Variants in LHFPL3 observed in about 807,000 individuals in gnomAD.
The protein encoded by LHFPL3 is LHFPL tetraspan subfamily member 3, also known as LHFPL tetraspan subfamily member 3 protein.
LHFPL3 carries 5 observed loss-of-function variants against 19.3 expected under a neutral mutation model. The observed-to-expected ratio is 0.26, with a 90% CI of 0.14 to 0.54. LHFPL3 has a LOEUF of 0.54. Among genes scored for constraint, LHFPL3 ranks in the 20% least tolerant of loss-of-function variants. The pLI, the probability that LHFPL3 is intolerant of heterozygous loss-of-function variation, is 0.94. For missense variants in LHFPL3, 249 were observed against 307.4 expected (o/e 0.81, Z 1.42); for synonymous variants, 133 against 126.2 (o/e 1.05, Z -0.36).
intron 2 of LHFPL3, among the ~76,000 whole-genome samples, chr7:104,738,048 G>A (rs770272797): frequency 6.6e-6 from 1 of 152,114 alleles, no homozygotes; most frequent in Non-Finnish European, 1.5e-5. Flanking sequence ...AAATGGAGCA[G>A]CCCAGCAGAG....
At chr7:104,444,943 G>A (rs191670450) in intron 1 of LHFPL3, among the ~76,000 whole-genome samples, 2 of 151,792 alleles carry the variant, frequency 1.3e-5, no homozygotes, top group Non-Finnish European at 2.9e-5. Context: ...AGTTGAAATC[G>A]CGCCATTGCA....
chr7:104,430,128 C>T lies in LHFPL3; in HGVS notation c.445+100904C>T, dbSNP rs1288050552. ...TAGGAAAAAACCAGTTAAAGACGTTCTTTTAAAAATCTCGTGCAGGGAAAA... is the reference window on the plus strand; with the variant it reads ...TAGGAAAAAACCAGTTAAAGACGTTTTTTTAAAAATCTCGTGCAGGGAAAA... On this transcript the variant is annotated intron_variant, in intron 1 of 2. Transcript: ENST00000424859. Among the ~76,000 whole-genome samples the T allele has an allele frequency of 2.1e-5, 3 of 141,726 alleles. 1 individual carries two copies. The highest frequency in any genetic ancestry group is 2.0e-4 in the Admixed American group (3 of 14,638). 93.0% of individuals were successfully genotyped at this position (141,726 alleles called of 152,430 possible). A position where few individuals can be genotyped will look rare whatever the true frequency, so the allele number is the denominator to read the frequency against.
At chr7:104,693,026 C>T (rs1341161514) in intron 1 of LHFPL3, among the ~76,000 whole-genome samples, 1 of 152,204 alleles carries the variant, frequency 6.6e-6, no homozygotes. Context: ...CTGCCCAAGG[C>T]CGTGAGAGCC....
Position 104,502,040 on chromosome 7 carries a change from T to C in LHFPL3, c.445+172816T>C, listed in dbSNP as rs1000763277. ...TTTGGACAATGAGGTGGAAATTAGATTCCTGAAGATACCTACAAGAAAAAA... is the reference window on the plus strand; with the variant it reads ...TTTGGACAATGAGGTGGAAATTAGACTCCTGAAGATACCTACAAGAAAAAA... On this transcript the variant is annotated intron_variant, in intron 1 of 2. Coordinates refer to ENST00000424859, the MANE Select transcript of LHFPL3 (RefSeq NM_199000.3). 5.9e-5 allele frequency among the ~76,000 whole-genome samples: 9 copies of C among 152,330 alleles called. 1 individual carries two copies. Among genetic ancestry groups the C allele is most frequent in the African/African-American group, 2.2e-4 (9 of 41,576 alleles).
intron 1 of LHFPL3, among the ~76,000 whole-genome samples, chr7:104,512,753 A>C (rs1584371273): frequency 7.0e-6 from 1 of 142,038 alleles, no homozygotes; most frequent in East Asian, 2.0e-4. Flanking sequence ...AAAAAAAAAG[A>C]GAGAGAGAGA....
chr7:104,854,365 G>A (rs1360786990), intron 2 of LHFPL3, among the ~76,000 whole-genome samples: 1 of 152,184 alleles, frequency 6.6e-6, no homozygotes, highest in East Asian at 1.9e-4. Flanking sequence ...CCTCATGAAT[G>A]GAGATTTCCT....
intron 2 of LHFPL3, among the ~76,000 whole-genome samples, chr7:104,880,408 AAT>A (rs1792025165): frequency 6.6e-6 from 1 of 152,094 alleles, no homozygotes; most frequent in African/African-American, 2.4e-5. Context: ...GAGCCAAATA[AAT>A]CTCTTTCTGC....
intron 2 of LHFPL3, among the ~76,000 whole-genome samples, chr7:104,788,637 G>A (rs1031360043): frequency 6.6e-6 from 1 of 151,956 alleles, no homozygotes; most frequent in African/African-American, 2.4e-5. Flanking sequence ...TTTTTAATGA[G>A]AACAAAGCTG....
chr7:104,820,762 A>C (rs1399525665), intron 2 of LHFPL3, among the ~76,000 whole-genome samples: 1 of 152,104 alleles, frequency 6.6e-6, no homozygotes, highest in African/African-American at 2.4e-5. Flanking sequence ...CAGACCAAAG[A>C]AGCAGAGGCC....
intron 1 of LHFPL3, among the ~76,000 whole-genome samples, chr7:104,700,397 C>G (rs73713046): frequency 1.3e-5 from 2 of 152,188 alleles, no homozygotes; most frequent in Admixed American, 6.5e-5. Flanking sequence ...AAGGTCGTCA[C>G]TCTTCTTCAC....
intron 2 of LHFPL3, among the ~76,000 whole-genome samples, chr7:104,788,362 A>G (rs1789962626): frequency 6.6e-6 from 1 of 152,218 alleles, no homozygotes; most frequent in Non-Finnish European, 1.5e-5. Flanking sequence ...CCTGCCAGCG[A>G]CAGCCTCTCA....
At chr7:104,577,506 G>C (rs1375849557) in intron 1 of LHFPL3, among the ~76,000 whole-genome samples, 1 of 152,124 alleles carries the variant, frequency 6.6e-6, no homozygotes, top group Non-Finnish European at 1.5e-5. Flanking sequence ...GTGTGTACAA[G>C]TATAGAGTTG....
intron 1 of LHFPL3, among the ~76,000 whole-genome samples, chr7:104,379,981 G>GA (rs1347045272): frequency 6.6e-6 from 1 of 152,140 alleles, no homozygotes; most frequent in Non-Finnish European, 1.5e-5. Flanking sequence ...GATTTAATGG[G>GA]AAAAACACAC....
At chr7:104,821,742 C>A (rs983340474) in intron 2 of LHFPL3, among the ~76,000 whole-genome samples, 3 of 152,172 alleles carry the variant, frequency 2.0e-5, no homozygotes, top group Non-Finnish European at 2.9e-5. Flanking sequence ...GTAGCACAGT[C>A]AAAGTTTCTA....
chr7:104,455,489 G>A (rs1792521806), intron 1 of LHFPL3, among the ~76,000 whole-genome samples: 1 of 152,194 alleles, frequency 6.6e-6, no homozygotes. Flanking sequence ...GGGAGGCTGA[G>A]GTGGTTGGAC....
Position 104,364,907 on chromosome 7 carries a change from A to G in LHFPL3, c.445+35683A>G, listed in dbSNP as rs538648079. 2.3e-4 allele frequency among the ~76,000 whole-genome samples: 35 copies of G among 152,328 alleles called. 1 individual carries two copies. The highest frequency in any genetic ancestry group is 3.4e-3 in the Middle Eastern group (1 of 294). On this transcript the variant is annotated intron_variant, in intron 1 of 2. Transcript: ENST00000424859. ...GTTAAAATTTCTTTTTTAGGCTGGA[A>G]GAGACTTTAGAAATTTATACTTTGA...
chr7:104,359,933 A>G (rs1269251622), intron 1 of LHFPL3, among the ~76,000 whole-genome samples: 4 of 152,244 alleles, frequency 2.6e-5, no homozygotes, highest in African/African-American at 9.6e-5. Context: ...TTTTTTTCCA[A>G]TGACAATTTT....
chr7:104,452,916 T>C (rs1290829941), intron 1 of LHFPL3, among the ~76,000 whole-genome samples: 5 of 152,196 alleles, frequency 3.3e-5, no homozygotes, highest in Non-Finnish European at 5.9e-5. Flanking sequence ...GATGATTACA[T>C]TGGTGTCTGA....
At chr7:104,387,651 A>C (rs1430845193) in intron 1 of LHFPL3, among the ~76,000 whole-genome samples, 6 of 152,324 alleles carry the variant, frequency 3.9e-5, no homozygotes, top group East Asian at 1.9e-4. Flanking sequence ...AGAATACTTG[A>C]AGACATTTTG....
Sources: gnomAD v4.1 joint callset for allele counts (sites outside exome capture counted in the v4.1 genomes callset) on GRCh38, gnomAD v4.1.1 for gene constraint, MANE v1.5 for transcripts, NCBI Gene and HGNC (gene_info 2026-07-23, HGNC 2026-07-21) for gene names.